The following TRPM7 variants were observed in gnomAD, a reference collection of about 807,000 sequenced individuals.
TRPM7 encodes transient receptor potential cation channel subfamily M member 7, also known as LTRPC ion channel family member 7.
In TRPM7, 134 loss-of-function variants were observed where a neutral mutation model predicts 229.7. The ratio of observed to expected loss-of-function variants is 0.58; its 90% CI spans 0.51 to 0.67. The LOEUF is 0.67. Ranked by LOEUF, TRPM7 falls within the 30% of genes least tolerant of loss-of-function variation. The pLI is 0.00. For synonymous variants in TRPM7, 699 were observed against 715.2 expected, an observed-to-expected ratio of 0.98 and a Z score of 0.36; for missense variants, 1,901 against 2,210.0, an observed-to-expected ratio of 0.86 and a Z score of 2.80.
intron 3 of TRPM7, among the ~76,000 whole-genome samples, chr15:50,655,291 G>A (rs1048158969): frequency 2.0e-5 from 3 of 151,754 alleles, no homozygotes; most frequent in African/African-American, 7.3e-5. Flanking sequence ...AAATGAGCCA[G>A]GCATGGTGGC....
intron 21 of TRPM7, among the ~76,000 whole-genome samples, chr15:50,603,584 T>C (rs1035301082): frequency 1.3e-5 from 2 of 151,636 alleles, no homozygotes; most frequent in African/African-American, 2.4e-5. Flanking sequence ...GTCCTTGCAA[T>C]AGTTTGCTCA....
intron 1 of TRPM7, among the ~76,000 whole-genome samples, chr15:50,664,207 A>G (rs913380333): frequency 9.3e-5 from 14 of 150,412 alleles, no homozygotes; most frequent in African/African-American, 3.2e-4. Flanking sequence ...CTGAGGCAGG[A>G]GAATCGCTTG....
chr15:50,565,876 T>G (rs1414821559), intron 38 of TRPM7, among the ~76,000 whole-genome samples: 1 of 151,582 alleles, frequency 6.6e-6, no homozygotes, highest in Non-Finnish European at 1.5e-5. Context: ...CAGGCCAGAG[T>G]GCAGTGGCGC....
rs1440969108 is a variant in TRPM7, at chr15:50,560,771, T to C, written c.*907A>G. On this transcript the variant is annotated 3_prime_UTR_variant, in exon 39 of 39. Coordinates refer to ENST00000646667, the MANE Select transcript of TRPM7 (RefSeq NM_017672.6). ...AATTTTAAATATATGCAAGAGTTCATGTTTACATTCTGATTTGATATAACA... is the reference window on the plus strand; with the variant it reads ...AATTTTAAATATATGCAAGAGTTCACGTTTACATTCTGATTTGATATAACA... 6.6e-6 allele frequency: 1 copy of C among 152,666 alleles called. No homozygotes were observed. Among genetic ancestry groups the C allele is most frequent in the Non-Finnish European group, 1.5e-5 (1 of 68,024 alleles). The allele number at this position is 152,666 out of a possible 1,614,324, so 9.5% of individuals were successfully genotyped here.
intron 2 of TRPM7, among the ~76,000 whole-genome samples, chr15:50,662,020 C>A (rs369386912): frequency 6.6e-6 from 1 of 151,910 alleles, no homozygotes; most frequent in Non-Finnish European, 1.5e-5. Flanking sequence ...GGGTTCAAGA[C>A]CAGCCTGGCC....
At chr15:50,585,255 G>A (rs2054641358) in intron 28 of TRPM7, among the ~76,000 whole-genome samples, 1 of 152,064 alleles carries the variant, frequency 6.6e-6, no homozygotes, top group African/African-American at 2.4e-5. Flanking sequence ...TAGAGACGGG[G>A]TTTCACCTTG....
At chr15:50,640,004 C>A (rs2061042227) in intron 5 of TRPM7, among the ~76,000 whole-genome samples, 1 of 152,132 alleles carries the variant, frequency 6.6e-6, no homozygotes, top group African/African-American at 2.4e-5. Context: ...CCCACAATAT[C>A]AAATCACTAC....
Position 50,561,462 on chromosome 15 carries a change from C to A in TRPM7, c.*216G>T, listed in dbSNP as rs919642138. 1.1e-5 allele frequency: 5 copies of A among 474,618 alleles called. No individual in the cohort carries two copies. The highest frequency in any genetic ancestry group is 1.0e-4 in the African/African-American group (5 of 49,398). The allele number at this position is 474,618 out of a possible 1,614,324, so 29.4% of individuals were successfully genotyped here. ...AGTTATAAATACTAATTATCAATTA[C>A]CTTTAAAATTTCTCAGCTGCCAGCT... On this transcript the variant is annotated 3_prime_UTR_variant, in exon 39 of 39. Coordinates refer to ENST00000646667, the MANE Select transcript of TRPM7 (RefSeq NM_017672.6).
At position 50,686,758 on chromosome 15, in the gene TRPM7, C is replaced by A; in HGVS notation, c.-225G>T. The stretch of plus-strand genomic sequence containing the variant: ...TCCTCCGGGTGACTGGCCACAGGGA[C>A]GCGCCCGCGCCCGCCTCCGCCGGCG... On this transcript the variant is annotated 5_prime_UTR_variant, in exon 1 of 39. Coordinates refer to ENST00000646667, the MANE Select transcript of TRPM7 (RefSeq NM_017672.6). 2.0e-6 allele frequency: 1 copy of A among 493,636 alleles called. No homozygotes were observed. The highest frequency in any genetic ancestry group is 3.7e-5 in the East Asian group (1 of 27,044). 30.6% of individuals were successfully genotyped at this position (493,636 alleles called of 1,614,324 possible). A position where few individuals can be genotyped will look rare whatever the true frequency, so the allele number is the denominator to read the frequency against.
At position 50,561,209 on chromosome 15, in the gene TRPM7, T is replaced by C; in HGVS notation, c.*469A>G. The C allele has an allele frequency of 6.5e-6, 1 of 153,620 alleles. No homozygotes were observed. The highest frequency in any genetic ancestry group is 1.5e-5 in the Non-Finnish European group (1 of 68,674). The allele number at this position is 153,620 out of a possible 1,614,324, so 9.5% of individuals were successfully genotyped here. A position where few individuals can be genotyped will look rare whatever the true frequency, so the allele number is the denominator to read the frequency against. ...AGCATCTAGTTGGGAACCAGTGATA[T>C]CATCACTGAACACACTAAATACACT... On this transcript the variant is annotated 3_prime_UTR_variant, in exon 39 of 39. Transcript: ENST00000646667.
In TRPM7 at chr15:50,605,109, C is replaced by T. The variant is rs560025915; in HGVS notation, c.2745G>A (p.Lys915=). Residue 915 remains lysine (K), a synonymous_variant, in exon 21 of 39, where the codon AAG becomes AAA. Coordinates refer to ENST00000646667, the MANE Select transcript of TRPM7 (RefSeq NM_017672.6). ...FMSEAGKVNQ[K]IKVWFSDYFN... is the part of the protein sequence containing the mutation. ...AGTAATCACTAAACCATACTTTAAT[C>T]TTCTGGTTTACTTTCCCAGCTTCAG... is the stretch of plus-strand genomic sequence containing the variant. 16 of 1,606,164 alleles carry T rather than the reference C, an allele frequency of 1.0e-5. No homozygotes were observed. The Admixed American group carries it at 1.4e-4, about 14-fold the overall frequency.
At position 50,604,946 on chromosome 15, in the gene TRPM7, T is replaced by C; in HGVS notation, c.2908A>G (p.Ile970Val). The change falls in exon 21 of 39, where the codon ATA becomes GTA. Residue 970 changes from isoleucine (I) to valine (V), a missense_variant. Ile to Val is a conservative substitution (Grantham distance 29, BLOSUM62 3). This residue lies in a region of TRPM7 where 207 missense variants were observed against 241.5 expected (regional missense o/e 0.86). Coordinates refer to ENST00000646667, the MANE Select transcript of TRPM7 (RefSeq NM_017672.6). ...AGRLIYCLNI[I>V]FWYVRLLDFL... ...TCTAGCAAACGCACATACCAAAATA[T>C]TATGTTAAGACAGTAAATTAATCTT... 2 of 1,613,794 alleles carry C rather than the reference T, an allele frequency of 1.2e-6. No individual in the cohort carries two copies. The highest frequency in any genetic ancestry group is 1.7e-6 in the Non-Finnish European group (2 of 1,179,830).
chr15:50,601,955 CTT>C (rs1237498865), intron 21 of TRPM7, among the ~76,000 whole-genome samples: 12 of 128,274 alleles, frequency 9.4e-5, no homozygotes, highest in African/African-American at 8.6e-5. Flanking sequence ...CACATATTTT[CTT>C]TTTTTTTTTT....
At chr15:50,587,197 T>C (rs1419327659) in intron 27 of TRPM7, among the ~76,000 whole-genome samples, 1 of 152,090 alleles carries the variant, frequency 6.6e-6, no homozygotes, top group African/African-American at 2.4e-5. Flanking sequence ...CTTTTGGGGA[T>C]CTTGGTAACT....
intron 36 of TRPM7, among the ~76,000 whole-genome samples, chr15:50,570,676 C>T (rs2053835650): frequency 1.1e-5 from 1 of 90,572 alleles, no homozygotes; most frequent in African/African-American, 4.2e-5. Flanking sequence ...AACTTCATTC[C>T]TAAAAAAAAA....
At chr15:50,579,441 A>G (rs2054294326) in intron 30 of TRPM7, among the ~76,000 whole-genome samples, 1 of 152,192 alleles carries the variant, frequency 6.6e-6, no homozygotes, top group African/African-American at 2.4e-5. Flanking sequence ...TTTCTTACAA[A>G]AAGTATTTTG....
Position 50,591,935 on chromosome 15 carries a change from T to C in TRPM7, c.4300A>G (p.Asn1434Asp). The change falls in exon 26 of 39, where the codon AAT becomes GAT. Residue 1434 changes from asparagine to aspartate, a missense_variant. Around this residue, in one of 8 missense-constraint regions of TRPM7, gnomAD observed 533 missense variants for 497.1 expected, o/e 1.07. Coordinates refer to ENST00000646667, the MANE Select transcript of TRPM7 (RefSeq NM_017672.6). ...CCTACAAATGCTCCAAATTCTGTAT[T>C]ATCTCCTTCTGTAGCTTTAGAGCAA... ...TVCSKATEGD[N>D]TEFGAFVGHR... 2 of 1,577,324 alleles carry C rather than the reference T, an allele frequency of 1.3e-6. No individual in the cohort carries two copies. The highest frequency in any genetic ancestry group is 8.6e-7 in the Non-Finnish European group (1 of 1,168,292).
intron 1 of TRPM7, among the ~76,000 whole-genome samples, chr15:50,685,847 G>A (rs2062347522): frequency 6.6e-6 from 1 of 152,280 alleles, no homozygotes; most frequent in African/African-American, 2.4e-5. Context: ...AAGGGATGCG[G>A]TAGTTCGACT....
intron 1 of TRPM7, among the ~76,000 whole-genome samples, chr15:50,679,519 TATATATATATATATATATA>T (rs2062188085): frequency 2.8e-4 from 5 of 18,050 alleles, no homozygotes; most frequent in African/African-American, 7.2e-4. Flanking sequence ...ATAATATATA[TATATATATATATATATATA>T]TTTTTTTTTT....
Sources: gnomAD v4.1 joint callset for allele counts (sites outside exome capture counted in the v4.1 genomes callset) on GRCh38, gnomAD v4.1.1 for gene constraint, gnomAD v4.1.1 regional missense constraint, MANE v1.5 for transcripts, NCBI Gene and HGNC (gene_info 2026-07-23, HGNC 2026-07-21) for gene names.